DNAAF11: variants seen among roughly 807,000 people sequenced by gnomAD.
DNAAF11 encodes leucine rich repeat containing 6.
A neutral mutation model predicts 60.8 loss-of-function variants in DNAAF11; 45 were observed. The observed-to-expected ratio is 0.74, with a 90% confidence interval of 0.58 to 0.95. The LOEUF (loss-of-function observed/expected upper bound fraction) is 0.95, where lower values mean the gene tolerates loss of function less well. DNAAF11 is among the 40% of genes least tolerant of loss of function. The probability of loss-of-function intolerance (pLI) is 0.00; values close to 1 mark genes in which losing one functional copy is unlikely to be tolerated. For synonymous variants in DNAAF11, 191 were observed against 183.5 expected, an observed-to-expected ratio of 1.04 and a Z score of -0.33; for missense variants, 546 against 546.2, an observed-to-expected ratio of 1.00 and a Z score of 0.00.
In DNAAF11 at chr8:132,638,697, C is replaced by T. The variant is rs549031244; in HGVS notation, c.257-590G>A. 1.6e-3 allele frequency among the ~76,000 whole-genome samples: 245 copies of T among 152,118 alleles called. 2 individuals carry two copies. The highest frequency in any genetic ancestry group is 5.4e-3 in the African/African-American group (226 of 41,490). ...GTATTAACAAAAGTGAAGAATAAGACGTTTTGATGTTCAAAGGAATAATAG... is the reference window on the plus strand; with the variant it reads ...GTATTAACAAAAGTGAAGAATAAGATGTTTTGATGTTCAAAGGAATAATAG... On this transcript the variant is annotated intron_variant, in intron 3 of 11. Transcript: ENST00000620350.
intron 11 of DNAAF11, among the ~76,000 whole-genome samples, chr8:132,575,581 A>T (rs995584344): frequency 1.3e-5 from 2 of 152,132 alleles, no homozygotes; most frequent in African/African-American, 4.8e-5. Flanking sequence ...AGGATAAACA[A>T]GCCAGGTTGA....
chr8:132,646,327 C>CTAG (rs1464707602), intron 3 of DNAAF11, among the ~76,000 whole-genome samples: 1 of 152,146 alleles, frequency 6.6e-6, no homozygotes, highest in African/African-American at 2.4e-5. Context: ...ACAAGAGCTC[C>CTAG]TGAAGGAAGC....
At chr8:132,667,894 T>G (rs1014000681) in intron 1 of DNAAF11, among the ~76,000 whole-genome samples, 2 of 152,192 alleles carry the variant, frequency 1.3e-5, no homozygotes, top group African/African-American at 4.8e-5. Flanking sequence ...TGTGTTTGTT[T>G]CTAAAGTTTT....
At chr8:132,689,696 C>T in the DNAAF11 span, among the ~76,000 whole-genome samples, 10 of 148,150 alleles carry the variant, frequency 6.7e-5, no homozygotes, top group Non-Finnish European at 1.4e-4. Flanking sequence ...TGTGTATGTA[C>T]GTGTGTGTGT....
At chr8:132,674,160 AAG>A (rs1825511971) in intron 1 of DNAAF11, among the ~76,000 whole-genome samples, 1 of 38,916 alleles carries the variant, frequency 2.6e-5, no homozygotes, top group Non-Finnish European at 5.6e-5. Flanking sequence ...GGAGGAGGAG[AAG>A]GAGAAGGAGG....
At chr8:132,692,653 G>C in the DNAAF11 span, among the ~76,000 whole-genome samples, 2 of 152,300 alleles carry the variant, frequency 1.3e-5, no homozygotes, top group Non-Finnish European at 2.9e-5. Context: ...GCCTTGTGAA[G>C]GTGCTCAAAC....
intron 4 of DNAAF11, among the ~76,000 whole-genome samples, chr8:132,637,527 C>T (rs1821420213): frequency 6.6e-6 from 1 of 152,054 alleles, no homozygotes; most frequent in African/African-American, 2.4e-5. Flanking sequence ...ATCACTTGAA[C>T]CTGGTAGGCA....
chr8:132,634,553 T>A (rs1219846447), intron 4 of DNAAF11, among the ~76,000 whole-genome samples: 1 of 152,020 alleles, frequency 6.6e-6, no homozygotes, highest in African/African-American at 2.4e-5. Flanking sequence ...CTTAATTTGA[T>A]CTAATTTAAT....
At chr8:132,695,430 A>G in the DNAAF11 span, among the ~76,000 whole-genome samples, 1 of 152,212 alleles carries the variant, frequency 6.6e-6, no homozygotes, top group African/African-American at 2.4e-5. Flanking sequence ...GACAGCAGCA[A>G]GAACTTTCCT....
the DNAAF11 span, among the ~76,000 whole-genome samples, chr8:132,698,223 C>A: frequency 1.3e-5 from 2 of 152,086 alleles, no homozygotes; most frequent in African/African-American, 4.8e-5. Context: ...CAAACCTATC[C>A]CACACTTCGT....
intron 11 of DNAAF11, among the ~76,000 whole-genome samples, chr8:132,576,579 T>C (rs1258692413): frequency 1.3e-5 from 2 of 152,142 alleles, no homozygotes; most frequent in African/African-American, 4.8e-5. Flanking sequence ...ATAAGTTGGG[T>C]ATCCCTAATC....
In DNAAF11 at chr8:132,642,546, A is replaced by G. The variant is rs147842615; in HGVS notation, c.257-4439T>C. On this transcript the variant is annotated intron_variant, in intron 3 of 11. Transcript: ENST00000620350. ...TTGCCCTGCAAATAATTGCTCTGGGACATGTCAGAAGCCAGATCAAGTGTC... is the reference window on the plus strand; with the variant it reads ...TTGCCCTGCAAATAATTGCTCTGGGGCATGTCAGAAGCCAGATCAAGTGTC... 2.4e-3 allele frequency among the ~76,000 whole-genome samples: 364 copies of G among 152,338 alleles called. 4 individuals are homozygous for G. Among genetic ancestry groups the G allele is most frequent in the African/African-American group, 8.3e-3 (347 of 41,574 alleles).
At chr8:132,615,754 T>G (rs1195829542) in intron 7 of DNAAF11, among the ~76,000 whole-genome samples, 2 of 152,222 alleles carry the variant, frequency 1.3e-5, no homozygotes, top group Non-Finnish European at 2.9e-5. Context: ...ACCCCGAGGT[T>G]GAGTCCTAGG....
intron 10 of DNAAF11, among the ~76,000 whole-genome samples, chr8:132,600,778 T>G (rs1485635673): frequency 6.6e-6 from 1 of 152,194 alleles, no homozygotes; most frequent in East Asian, 1.9e-4. Flanking sequence ...TAATTCAAGA[T>G]GGATTAAAGA....
chr8:132,599,801 A>C (rs1215990085), intron 10 of DNAAF11, among the ~76,000 whole-genome samples: 2 of 152,176 alleles, frequency 1.3e-5, no homozygotes, highest in South Asian at 2.1e-4. Context: ...ATTTATGACA[A>C]ACCCACAGCC....
chr8:132,690,195 G>C, the DNAAF11 span, among the ~76,000 whole-genome samples: 3 of 152,138 alleles, frequency 2.0e-5, no homozygotes, highest in Non-Finnish European at 4.4e-5. Context: ...TTACATTGGT[G>C]ATATGGTTTG....
At chr8:132,599,541 C>T (rs531700677) in intron 10 of DNAAF11, among the ~76,000 whole-genome samples, 2 of 152,274 alleles carry the variant, frequency 1.3e-5, no homozygotes, top group African/African-American at 4.8e-5. Context: ...TACTGGCAAA[C>T]CGAATCCAGC....
At chr8:132,602,814 T>C (rs1240029607) in intron 10 of DNAAF11, among the ~76,000 whole-genome samples, 2 of 151,642 alleles carry the variant, frequency 1.3e-5, no homozygotes, top group East Asian at 3.9e-4. Context: ...TTGTAATATA[T>C]ATAATTTGAG....
chr8:132,616,173 G>T (rs1353467315), intron 7 of DNAAF11, among the ~76,000 whole-genome samples: 1 of 152,042 alleles, frequency 6.6e-6, no homozygotes, highest in Non-Finnish European at 1.5e-5. Flanking sequence ...AGGAACCATG[G>T]TTTTAACTAG....
Sources: gnomAD v4.1 joint callset for allele counts (sites outside exome capture counted in the v4.1 genomes callset) on GRCh38, gnomAD v4.1.1 for gene constraint, MANE v1.5 for transcripts, NCBI Gene and HGNC (gene_info 2026-07-23, HGNC 2026-07-21) for gene names.